LINGO2: variants seen among roughly 807,000 people sequenced by gnomAD.
LINGO2 encodes the protein leucine-rich repeat and immunoglobulin-like domain-containing nogo receptor-interacting protein 2.
LINGO2 carries 14 observed loss-of-function variants against 30.6 expected under a neutral mutation model. The ratio of observed to expected loss-of-function variants is 0.46; its 90% CI spans 0.30 to 0.72. LINGO2 has a LOEUF of 0.72. Among genes scored for constraint, LINGO2 ranks in the 30% least tolerant of loss-of-function variants. LINGO2 has a pLI of 0.07. For missense variants in LINGO2, 729 were observed against 751.7 expected (o/e 0.97, Z 0.35); for synonymous variants, 317 against 288.5 (o/e 1.10, Z -1.00).
intron 1 of LINGO2, among the ~76,000 whole-genome samples, chr9:28,556,529 C>T (rs569248382): frequency 1.3e-5 from 2 of 152,220 alleles, no homozygotes; most frequent in African/African-American, 4.8e-5. Context: ...ATTCCATGCT[C>T]ATGGGTAGGA....
At chr9:28,852,540 C>A in the LINGO2 span, among the ~76,000 whole-genome samples, 1 of 151,960 alleles carries the variant, frequency 6.6e-6, no homozygotes, top group Non-Finnish European at 1.5e-5. Context: ...CAGGGGAAGG[C>A]ACTGTGACAG....
chr9:29,142,543 T>A, the LINGO2 span, among the ~76,000 whole-genome samples: 2 of 151,552 alleles, frequency 1.3e-5, no homozygotes, highest in African/African-American at 4.8e-5. Flanking sequence ...GGAAAAAAGA[T>A]AACAACCATT....
the LINGO2 span, among the ~76,000 whole-genome samples, chr9:29,139,455 T>TA: frequency 2.0e-5 from 3 of 152,148 alleles, no homozygotes; most frequent in African/African-American, 7.2e-5. Context: ...CAGACAATGC[T>TA]ATATGAGACT....
At chr9:28,053,829 A>G (rs1824788677) in intron 4 of LINGO2, among the ~76,000 whole-genome samples, 1 of 152,078 alleles carries the variant, frequency 6.6e-6, no homozygotes, top group Non-Finnish European at 1.5e-5. Flanking sequence ...GTTTTCAGCT[A>G]AACCATGAGG....
chr9:28,873,385 A>G, the LINGO2 span, among the ~76,000 whole-genome samples: 13,289 of 143,696 alleles, frequency 0.092, 536 homozygotes, highest in African/African-American at 0.14. Context: ...GTCTCAAAAA[A>G]AAAAAGAAAA....
At chr9:29,071,981 A>T in the LINGO2 span, among the ~76,000 whole-genome samples, 1 of 152,110 alleles carries the variant, frequency 6.6e-6, no homozygotes, top group African/African-American at 2.4e-5. Context: ...AAACCTTTTT[A>T]TTATCCTTGC....
chr9:28,012,307 C>T (rs1326208956), intron 5 of LINGO2: 1 of 152,042 alleles, frequency 6.6e-6, no homozygotes, highest in Non-Finnish European at 1.5e-5. Context: ...GACTTTATGC[C>T]TTCCCCACTT....
At chr9:28,611,193 T>C (rs1825899207) in intron 1 of LINGO2, among the ~76,000 whole-genome samples, 1 of 152,184 alleles carries the variant, frequency 6.6e-6, no homozygotes, top group Admixed American at 6.5e-5. Flanking sequence ...GAAAATACTT[T>C]TTCCAGCTTT....
chr9:28,486,541 G>A (rs553980988), intron 1 of LINGO2, among the ~76,000 whole-genome samples: 15 of 152,208 alleles, frequency 9.9e-5, no homozygotes, highest in African/African-American at 3.4e-4. Flanking sequence ...ATATGTTCAT[G>A]TGCATATGCA....
chr9:28,379,748 T>G (rs1821273535), intron 2 of LINGO2, among the ~76,000 whole-genome samples: 1 of 152,088 alleles, frequency 6.6e-6, no homozygotes, highest in South Asian at 2.1e-4. Context: ...GAGCATTGCT[T>G]TTAGTTGAAG....
At chr9:28,703,179 CT>C in the LINGO2 span, among the ~76,000 whole-genome samples, 1 of 151,382 alleles carries the variant, frequency 6.6e-6, no homozygotes, top group Non-Finnish European at 1.5e-5. Flanking sequence ...AATTGCTCTT[CT>C]TTTTTATAAC....
At chr9:28,506,617 T>C (rs1455772146) in intron 1 of LINGO2, among the ~76,000 whole-genome samples, 1 of 10,322 alleles carries the variant, frequency 9.7e-5, no homozygotes, top group East Asian at 3.2e-3. Flanking sequence ...ATATGAATTG[T>C]CTCATAACAT....
At chr9:29,175,836 TA>T in the LINGO2 span, among the ~76,000 whole-genome samples, 1 of 152,172 alleles carries the variant, frequency 6.6e-6, no homozygotes, top group Non-Finnish European at 1.5e-5. Flanking sequence ...AAGGAAATAA[TA>T]TTTTTTTAAA....
the LINGO2 span, among the ~76,000 whole-genome samples, chr9:28,884,100 GCA>G: frequency 1.3e-5 from 1 of 77,714 alleles, no homozygotes; most frequent in Non-Finnish European, 2.8e-5. Context: ...GGAGAATAGC[GCA>G]GTGTCTAAAC....
chr9:28,680,307 G>T, the LINGO2 span, among the ~76,000 whole-genome samples: 1 of 151,968 alleles, frequency 6.6e-6, no homozygotes. Context: ...CTTCTTTTAA[G>T]AGACTGGGTA....
At chr9:28,747,866 T>C in the LINGO2 span, among the ~76,000 whole-genome samples, 1 of 152,236 alleles carries the variant, frequency 6.6e-6, no homozygotes, top group East Asian at 1.9e-4. Context: ...GAAAGCAATC[T>C]GATGTGGGGC....
the LINGO2 span, among the ~76,000 whole-genome samples, chr9:29,149,678 A>G: frequency 6.6e-6 from 1 of 152,098 alleles, no homozygotes; most frequent in East Asian, 1.9e-4. Flanking sequence ...AGGAGATCCC[A>G]CAACCTCCAC....
At chr9:28,413,652 C>T (rs950642081) in intron 2 of LINGO2, among the ~76,000 whole-genome samples, 1 of 152,050 alleles carries the variant, frequency 6.6e-6, no homozygotes, top group Non-Finnish European at 1.5e-5. Flanking sequence ...CTCCATTATG[C>T]TGAAGGGTTC....
chr9:29,117,825 G>A, the LINGO2 span, among the ~76,000 whole-genome samples: 3 of 152,068 alleles, frequency 2.0e-5, no homozygotes, highest in South Asian at 2.1e-4. Flanking sequence ...GTACTTTATC[G>A]AGTTTGTTCT....
Sources: allele counts gnomAD v4.1 joint callset (sites outside exome capture counted in the v4.1 genomes callset), GRCh38; gene constraint gnomAD v4.1.1; transcripts MANE v1.5; gene names NCBI Gene and HGNC (gene_info 2026-07-23, HGNC 2026-07-21).